Variants in CCDC138 observed in about 807,000 individuals in gnomAD.
CCDC138 encodes the protein coiled-coil domain-containing protein 138.
CCDC138 carries 66 observed loss-of-function variants against 82.3 expected under a neutral mutation model. The observed-to-expected ratio is 0.80, with a 90% CI of 0.66 to 0.98. The LOEUF (loss-of-function observed/expected upper bound fraction) is 0.98, where lower values mean the gene tolerates loss of function less well. CCDC138 is among the 50% of genes least tolerant of loss of function. CCDC138 has a pLI of 0.00. For synonymous variants in CCDC138, 297 were observed against 265.4 expected (o/e 1.12, Z -1.16); for missense variants, 816 against 758.9 (o/e 1.08, Z -0.88).
intron 12 of CCDC138, among the ~76,000 whole-genome samples, chr2:108,856,230 A>G (rs1248800655): frequency 6.6e-6 from 1 of 152,188 alleles, no homozygotes; most frequent in African/African-American, 2.4e-5. Flanking sequence ...CCTGGGTAAA[A>G]TCTTGCTGCC....
intron 10 of CCDC138, among the ~76,000 whole-genome samples, chr2:108,822,048 A>G (rs1685792901): frequency 6.6e-6 from 1 of 152,132 alleles, no homozygotes; most frequent in Non-Finnish European, 1.5e-5. Context: ...ACCCAACTGT[A>G]TGCTGTCTAC....
At chr2:108,815,863 C>T (rs190043507) in intron 9 of CCDC138, 78 bp from the exon 10 acceptor site, 1 of 1,187,892 alleles carries the variant, frequency 8.4e-7, no homozygotes, top group Non-Finnish European at 1.2e-6. Context: ...ATTCTTATTA[C>T]TTAACAAATT....
intron 12 of CCDC138, among the ~76,000 whole-genome samples, chr2:108,850,390 T>C (rs1691252662): frequency 6.6e-6 from 1 of 152,210 alleles, no homozygotes; most frequent in South Asian, 2.1e-4. Context: ...TACCTAGTTA[T>C]ATTGAATAGA....
chr2:108,805,128 T>C lies in CCDC138; in HGVS notation c.855+120T>C, dbSNP rs1192868160. 2.7e-5 allele frequency: 12 copies of C among 436,380 alleles called. No individual in the cohort carries two copies. In the East Asian group the frequency reaches 4.1e-4, roughly 15 times the overall value. The allele number at this position is 436,380 out of a possible 1,614,324, so 27.0% of individuals were successfully genotyped here. On this transcript the variant is annotated intron_variant, in intron 7 of 14. Coordinates refer to ENST00000295124, the MANE Select transcript of CCDC138 (RefSeq NM_144978.3). ...CTAGAGAAAATTTGGATTACATTTGTTAGCTTTATTTTAAAATACTTCCAA... is the reference window on the plus strand; with the variant it reads ...CTAGAGAAAATTTGGATTACATTTGCTAGCTTTATTTTAAAATACTTCCAA...
chr2:108,862,473 C>G (rs1693791823), intron 13 of CCDC138, among the ~76,000 whole-genome samples: 1 of 152,058 alleles, frequency 6.6e-6, no homozygotes, highest in South Asian at 2.1e-4. Flanking sequence ...TAGGGATGCT[C>G]AACCTGTATA....
chr2:108,815,119 G>T (rs1684537193), intron 9 of CCDC138, among the ~76,000 whole-genome samples: 1 of 152,158 alleles, frequency 6.6e-6, no homozygotes, highest in South Asian at 2.1e-4. Context: ...CAGAGGACAA[G>T]ATTTCTAGGA....
chr2:108,792,612 A>G (rs564788251), intron 4 of CCDC138, among the ~76,000 whole-genome samples: 38 of 152,306 alleles, frequency 2.5e-4, no homozygotes, highest in African/African-American at 8.4e-4. Context: ...CTTTTAGGGC[A>G]TTTGCTGAAC....
chr2:108,806,899 C>T (rs1432717650), intron 7 of CCDC138, among the ~76,000 whole-genome samples: 2 of 152,142 alleles, frequency 1.3e-5, no homozygotes, highest in African/African-American at 4.8e-5. Context: ...TCCCAGTGAA[C>T]ACCCCAGGAT....
At chr2:108,879,258 C>T (rs1696219332), downstream of CCDC138, among the ~76,000 whole-genome samples, 1 of 152,208 alleles carries the variant, frequency 6.6e-6, no homozygotes, top group African/African-American at 2.4e-5. Flanking sequence ...AAGCATGAAC[C>T]AATGTGCCTA....
At chr2:108,853,610 T>C (rs778104999) in intron 12 of CCDC138, among the ~76,000 whole-genome samples, 20 of 150,528 alleles carry the variant, frequency 1.3e-4, no homozygotes, top group Non-Finnish European at 2.7e-4. Context: ...TACCACAACC[T>C]TGAACTCCTG....
intron 10 of CCDC138, among the ~76,000 whole-genome samples, chr2:108,816,580 G>A (rs568098505): frequency 6.6e-6 from 1 of 152,218 alleles, no homozygotes; most frequent in South Asian, 2.1e-4. Flanking sequence ...GCTGAGGTCT[G>A]TCTCCCTTTT....
intron 7 of CCDC138, among the ~76,000 whole-genome samples, chr2:108,812,338 G>T (rs1359681534): frequency 1.3e-5 from 2 of 152,100 alleles, no homozygotes; most frequent in African/African-American, 4.8e-5. Flanking sequence ...TTATAGTTCA[G>T]ATAACAGTGT....
At chr2:108,834,356 G>A (rs1280062826) in intron 10 of CCDC138, among the ~76,000 whole-genome samples, 1 of 151,824 alleles carries the variant, frequency 6.6e-6, no homozygotes, top group Non-Finnish European at 1.5e-5. Flanking sequence ...GGGATTGCAG[G>A]TGCCCACCAC....
At chr2:108,803,917 GT>G in intron 6 of CCDC138, among the ~76,000 whole-genome samples, 1 of 152,222 alleles carries the variant, frequency 6.6e-6, no homozygotes, top group South Asian at 2.1e-4. Context: ...GAAAATATTA[GT>G]TTTAAAAATA....
At chr2:108,820,701 A>AG in intron 10 of CCDC138, among the ~76,000 whole-genome samples, 1 of 44,774 alleles carries the variant, frequency 2.2e-5, no homozygotes, top group Non-Finnish European at 3.8e-5. Flanking sequence ...TCAAAGTGCA[A>AG]AAAAAAAAAA....
chr2:108,882,402 C>T (rs535403120), intron 1 of CCDC138: 9 of 152,264 alleles, frequency 5.9e-5, no homozygotes, highest in South Asian at 2.1e-4. Flanking sequence ...TGTATGGAAA[C>T]GCAGAGCTCA....
At chr2:108,865,646 A>G (rs1307490328) in intron 13 of CCDC138, among the ~76,000 whole-genome samples, 1 of 152,144 alleles carries the variant, frequency 6.6e-6, no homozygotes, top group Non-Finnish European at 1.5e-5. Flanking sequence ...CTAGGCATCT[A>G]GAATATTTCA....
At chr2:108,846,480 A>T (rs1574198495) in intron 11 of CCDC138, among the ~76,000 whole-genome samples, 1 of 151,376 alleles carries the variant, frequency 6.6e-6, no homozygotes, top group East Asian at 1.9e-4. Flanking sequence ...AGAGTTCGAG[A>T]CCAGCCTCAG....
intron 10 of CCDC138, among the ~76,000 whole-genome samples, chr2:108,822,599 C>G (rs1685901836): frequency 6.6e-6 from 1 of 152,144 alleles, no homozygotes; most frequent in African/African-American, 2.4e-5. Context: ...GACATCATTA[C>G]AAAATTTCTG....
Sources: allele counts gnomAD v4.1 joint callset (sites outside exome capture counted in the v4.1 genomes callset), GRCh38; gene constraint gnomAD v4.1.1; transcripts MANE v1.5; gene names NCBI Gene and HGNC (gene_info 2026-07-23, HGNC 2026-07-21).